TMC1: variants seen among roughly 807,000 people sequenced by gnomAD.
TMC1 encodes the protein transmembrane channel-like protein 1.
Under a neutral mutation model 105.8 loss-of-function variants are expected in TMC1, and 84 were observed. The observed-to-expected ratio is 0.79, with a 90% CI of 0.67 to 0.95. The LOEUF (loss-of-function observed/expected upper bound fraction) is 0.95. Ranked by LOEUF, TMC1 falls within the 40% of genes least tolerant of loss-of-function variation. The pLI is 0.00. For missense variants in TMC1, 817 were observed against 914.1 expected, an observed-to-expected ratio of 0.89 and a Z score of 1.37; for synonymous variants, 315 against 311.5, an observed-to-expected ratio of 1.01 and a Z score of -0.12.
At chr9:72,713,069 A>T (rs775042012) in intron 8 of TMC1, among the ~76,000 whole-genome samples, 5 of 152,106 alleles carry the variant, frequency 3.3e-5, no homozygotes, top group Admixed American at 1.3e-4. Context: ...TATGTGATGG[A>T]TTACATTTAT....
intron 5 of TMC1, among the ~76,000 whole-genome samples, chr9:72,686,257 A>G (rs754333800): frequency 2.6e-5 from 4 of 152,104 alleles, no homozygotes; most frequent in Non-Finnish European, 4.4e-5. Flanking sequence ...TGCATGATCA[A>G]TGGGCATTGG....
chr9:72,669,158 T>C (rs1588022464), intron 5 of TMC1, among the ~76,000 whole-genome samples: 1 of 152,004 alleles, frequency 6.6e-6, no homozygotes, highest in East Asian at 1.9e-4. Context: ...ATACAAAAAT[T>C]AGCTGGGTGA....
intron 3 of TMC1, among the ~76,000 whole-genome samples, chr9:72,623,909 G>A (rs1310570584): frequency 2.0e-5 from 3 of 152,092 alleles, no homozygotes; most frequent in African/African-American, 7.2e-5. Flanking sequence ...TATCGTAAGG[G>A]GCACCATACT....
chr9:72,575,721 C>G (rs986369857), intron 1 of TMC1, among the ~76,000 whole-genome samples: 2 of 152,164 alleles, frequency 1.3e-5, no homozygotes, highest in Non-Finnish European at 2.9e-5. Context: ...GTCACAGCAG[C>G]TTTTGGGGTG....
At chr9:72,535,870 A>G (rs1439985171) in intron 1 of TMC1, among the ~76,000 whole-genome samples, 1 of 152,162 alleles carries the variant, frequency 6.6e-6, no homozygotes, top group East Asian at 1.9e-4. Context: ...GGGAACTAAT[A>G]CAGTGAGAAC....
At chr9:72,617,830 A>G (rs926058187) in intron 3 of TMC1, among the ~76,000 whole-genome samples, 4 of 151,958 alleles carry the variant, frequency 2.6e-5, no homozygotes, top group African/African-American at 9.7e-5. Flanking sequence ...GGTAATCTCC[A>G]GGAAGCGCTG....
chr9:72,636,516 G>A (rs1269171052), intron 4 of TMC1, among the ~76,000 whole-genome samples: 1 of 151,922 alleles, frequency 6.6e-6, no homozygotes, highest in Non-Finnish European at 1.5e-5. Context: ...GGCCACCATG[G>A]TGAAACCCAC....
Position 72,821,059 on chromosome 9 carries a change from T to C in TMC1, c.1981T>C (p.Ser661Pro). 1 of 1,614,184 alleles carries C rather than the reference T, an allele frequency of 6.2e-7. No individual in the cohort carries two copies. Among genetic ancestry groups the C allele is most frequent in the Non-Finnish European group, 8.5e-7 (1 of 1,180,028 alleles). The stretch of plus-strand genomic sequence containing the variant: ...GTACATGATCGTGTCCCTCCCACCA[T>C]CTTTTGATTGTGGTCCATTCAGGTC... Reference protein sequence around the residue: ...VLYMIVSLPPSFDCGPFSGKN... With the variant: ...VLYMIVSLPPPFDCGPFSGKN... Residue 661 changes from serine (S) to proline (P), a missense_variant, in exon 20 of 24, where the codon TCT (serine) becomes CCT (proline). Transcript: ENST00000297784.
intron 8 of TMC1, among the ~76,000 whole-genome samples, chr9:72,734,336 A>G (rs1430592324): frequency 6.6e-6 from 1 of 152,228 alleles, no homozygotes; most frequent in Non-Finnish European, 1.5e-5. Flanking sequence ...AACACATTAC[A>G]TACATTATTT....
chr9:72,605,802 C>T (rs1210344115), intron 2 of TMC1, among the ~76,000 whole-genome samples: 1 of 152,072 alleles, frequency 6.6e-6, no homozygotes, highest in Non-Finnish European at 1.5e-5. Context: ...TCTCGAACTC[C>T]TGGCCTCAAG....
intron 12 of TMC1, among the ~76,000 whole-genome samples, chr9:72,771,294 A>G (rs1200418909): frequency 1.3e-5 from 2 of 152,140 alleles, no homozygotes; most frequent in African/African-American, 2.4e-5. Flanking sequence ...AGTTTTTCAG[A>G]TCTCTGTTGG....
chr9:72,676,326 T>A (rs1161533252), intron 5 of TMC1, among the ~76,000 whole-genome samples: 1 of 152,142 alleles, frequency 6.6e-6, no homozygotes, highest in Admixed American at 6.5e-5. Context: ...AAGCTCAAAG[T>A]AGTTGTGTTT....
At chr9:72,725,017 G>A (rs1441946080) in intron 8 of TMC1, among the ~76,000 whole-genome samples, 1 of 151,970 alleles carries the variant, frequency 6.6e-6, no homozygotes, top group Non-Finnish European at 1.5e-5. Context: ...AGAGAAATGT[G>A]TCCTTGCTGT....
chr9:72,653,797 T>C (rs1223887227), intron 5 of TMC1, among the ~76,000 whole-genome samples: 2 of 152,164 alleles, frequency 1.3e-5, no homozygotes, highest in Non-Finnish European at 2.9e-5. Flanking sequence ...CCATATACTC[T>C]ACCTCTAGAC....
intron 1 of TMC1, among the ~76,000 whole-genome samples, chr9:72,531,925 A>G (rs1003822054): frequency 6.6e-6 from 1 of 151,880 alleles, no homozygotes. Context: ...TAAGATTTTC[A>G]TCTTTTATTT....
chr9:72,548,250 GTTAAT>G (rs1002600045), intron 1 of TMC1, among the ~76,000 whole-genome samples: 133 of 152,282 alleles, frequency 8.7e-4, no homozygotes, highest in African/African-American at 3.1e-3. Flanking sequence ...AAAGAAATGT[GTTAAT>G]TTATAGTGTA....
chr9:72,764,857 G>T (rs1827806768), intron 12 of TMC1, among the ~76,000 whole-genome samples: 1 of 152,222 alleles, frequency 6.6e-6, no homozygotes, highest in Middle Eastern at 3.4e-3. Flanking sequence ...GATCTAATTG[G>T]ATATGCAAAC....
chr9:72,737,932 A>G (rs1263931697), intron 8 of TMC1, among the ~76,000 whole-genome samples: 1 of 152,198 alleles, frequency 6.6e-6, no homozygotes, highest in Non-Finnish European at 1.5e-5. Flanking sequence ...AATCTAGTCT[A>G]TCAATTGAGT....
At chr9:72,591,393 T>C (rs1824637252) in intron 2 of TMC1, among the ~76,000 whole-genome samples, 1 of 152,130 alleles carries the variant, frequency 6.6e-6, no homozygotes, top group Admixed American at 6.5e-5. Context: ...CCCAGTAGGT[T>C]ATAAAGTGTG....
Sources: allele counts gnomAD v4.1 joint callset (sites outside exome capture counted in the v4.1 genomes callset), GRCh38; gene constraint gnomAD v4.1.1; transcripts MANE v1.5; gene names NCBI Gene and HGNC (gene_info 2026-07-23, HGNC 2026-07-21).